The following FCN2 variants were observed in gnomAD, a reference collection of about 807,000 sequenced individuals.
The protein encoded by FCN2 is ficolin-2.
FCN2 carries 31 observed loss-of-function variants against 32.5 expected under a neutral mutation model. That is an observed-to-expected ratio of 0.96 (90% CI 0.72 to 1.29). The LOEUF (loss-of-function observed/expected upper bound fraction) is 1.29, where lower values mean the gene tolerates loss of function less well. FCN2 is among the 50% of genes most tolerant of loss of function. The pLI, the probability that FCN2 is intolerant of heterozygous loss-of-function variation, is 0.00. For missense variants in FCN2, 412 were observed against 406.5 expected (o/e 1.01, Z -0.12); for synonymous variants, 181 against 164.5 (o/e 1.10, Z -0.77).
intron 6 of FCN2, among the ~76,000 whole-genome samples, 181 bp downstream of exon 6, chr9:134,886,078 C>T (rs1166392460): frequency 2.0e-5 from 3 of 152,252 alleles, no homozygotes; most frequent in Admixed American, 6.5e-5. Context: ...CTGGCAGCAT[C>T]GGGACGGGAG....
chr9:134,885,206 G>C, intron 4 of FCN2, 33 bp from the exon 5 acceptor site: 1 of 1,613,818 alleles, frequency 6.2e-7, no homozygotes, highest in Middle Eastern at 1.6e-4. Flanking sequence ...CAGGGCTCCT[G>C]TCCTGCAGCC....
the FCN2 span, among the ~76,000 whole-genome samples, chr9:134,872,702 G>A: frequency 2.6e-5 from 4 of 152,064 alleles, no homozygotes; most frequent in African/African-American, 4.8e-5. Flanking sequence ...TCACCATCAC[G>A]AGAACAGCAC....
In FCN2 at chr9:134,880,926, G is replaced by A; in HGVS notation, c.100+5G>A. On this transcript the variant is annotated splice_donor_5th_base_variant and intron_variant, in intron 1 of 7. Coordinates refer to ENST00000291744, the MANE Select transcript of FCN2 (RefSeq NM_004108.3). ...AGGCGGCAGACACCTGTCCAGGTAA[G>A]GGCACTCCAGGGCCTCCTCCTGGAA... 2 of 1,600,158 alleles carry A rather than the reference G, an allele frequency of 1.2e-6. No homozygotes were observed. Among genetic ancestry groups the A allele is most frequent in the Non-Finnish European group, 1.7e-6 (2 of 1,169,194 alleles).
the FCN2 span, among the ~76,000 whole-genome samples, chr9:134,870,228 C>T: frequency 6.6e-6 from 1 of 152,198 alleles, no homozygotes; most frequent in African/African-American, 2.4e-5. The surrounding 1 kb of genome is among the most constrained non-coding windows in gnomAD (Gnocchi z 4.3). Flanking sequence ...GAGACAGCAG[C>T]CCCCAGGCCA....
upstream of FCN2, among the ~76,000 whole-genome samples, chr9:134,877,064 CTT>C (rs1374768132): frequency 6.6e-6 from 1 of 152,134 alleles, no homozygotes; most frequent in Non-Finnish European, 1.5e-5. Context: ...TCTTTTTTCT[CTT>C]TTCTTCAGTC....
intron 7 of FCN2, 152 bp from the exon 8 acceptor site, chr9:134,887,016 G>A: frequency 1.1e-6 from 1 of 902,006 alleles, no homozygotes; most frequent in Non-Finnish European, 1.8e-6. Context: ...AGTATTCACT[G>A]GAGTCATGGA....
At chr9:134,864,749 C>A in the FCN2 span, among the ~76,000 whole-genome samples, 1 of 152,214 alleles carries the variant, frequency 6.6e-6, no homozygotes, top group Non-Finnish European at 1.5e-5. Flanking sequence ...ACTCACAGCA[C>A]GCCAGGCCCG....
intron 4 of FCN2, 138 bp from the exon 5 acceptor site, chr9:134,885,101 C>A: frequency 7.8e-7 from 1 of 1,277,570 alleles, no homozygotes; most frequent in Non-Finnish European, 1.1e-6. Flanking sequence ...GGGGCCGTGT[C>A]CCTGTCCAGG....
chr9:134,864,755 G>T, the FCN2 span, among the ~76,000 whole-genome samples: 1 of 152,172 alleles, frequency 6.6e-6, no homozygotes, highest in African/African-American at 2.4e-5. Context: ...AGCACGCCAG[G>T]CCCGGTACTA....
chr9:134,885,941 G>A (rs754081434), intron 6 of FCN2, 44 bp downstream of exon 6: 1 of 1,575,944 alleles, frequency 6.3e-7, no homozygotes, highest in Non-Finnish European at 8.6e-7. Context: ...CCCTGAATGG[G>A]GGTGCCCCTG....
At chr9:134,876,697 G>T (rs1830606325), upstream of FCN2, among the ~76,000 whole-genome samples, 1 of 152,170 alleles carries the variant, frequency 6.6e-6, no homozygotes, top group Non-Finnish European at 1.5e-5. Flanking sequence ...TCCTGCCTCA[G>T]CCTCCCGAGA....
rs780367191 is a variant in FCN2 at position 134,885,882 on chromosome 9, G to T, written c.544G>T (p.Ala182Ser). Residue 182 changes from alanine (A) to serine (S), a missense_variant, in exon 6 of 8, where the codon GCC (alanine) becomes TCC (serine). Transcript: ENST00000291744. ...EFWLGNDNIHALTAQGTSELR... is the reference protein window; with the variant it reads ...EFWLGNDNIHSLTAQGTSELR... ...CTGGCTGGGGAATGACAACATCCACGCCCTGACCGCCCAGGGTAGGGCCGC... is the reference window on the plus strand; with the variant it reads ...CTGGCTGGGGAATGACAACATCCACTCCCTGACCGCCCAGGGTAGGGCCGC... The T allele has an allele frequency of 1.6e-5, 26 of 1,613,042 alleles. No individual in the cohort carries two copies. The highest frequency in any genetic ancestry group is 8.3e-5 in the Admixed American group (5 of 59,946).
intron 2 of FCN2, among the ~76,000 whole-genome samples, 191 bp from the exon 3 acceptor site, chr9:134,883,111 C>T (rs1233333595): frequency 6.6e-6 from 1 of 152,226 alleles, no homozygotes; most frequent in Non-Finnish European, 1.5e-5. Context: ...ACAGGAGAGC[C>T]CCGTGAGGCC....
In FCN2 at chr9:134,887,486, C is replaced by G; in HGVS notation, c.*71C>G. ...GGGGGGTAGGGTTGGGAGCTTGGCC[C>G]TACGGTTTGTAAAAGAAACACATGT... On this transcript the variant is annotated 3_prime_UTR_variant, in exon 8 of 8. Coordinates refer to ENST00000291744, the MANE Select transcript of FCN2 (RefSeq NM_004108.3). 1 of 1,471,936 alleles carries G rather than the reference C, an allele frequency of 6.8e-7. No homozygotes were observed. The highest frequency in any genetic ancestry group is 1.2e-5 in the South Asian group (1 of 86,756). 91.2% of individuals were successfully genotyped at this position (1,471,936 alleles called of 1,614,324 possible).
At chr9:134,886,203 C>T (rs561958419) in intron 6 of FCN2, among the ~76,000 whole-genome samples, 9 of 152,272 alleles carry the variant, frequency 5.9e-5, no homozygotes, top group African/African-American at 2.2e-4. Context: ...GGCCCAACCC[C>T]AACTCTGCCT....
At chr9:134,885,161 C>T (rs1830726586) in intron 4 of FCN2, 78 bp from the exon 5 acceptor site, 1 of 1,592,382 alleles carries the variant, frequency 6.3e-7, no homozygotes, top group Non-Finnish European at 8.6e-7. Context: ...CTGCTTCTTC[C>T]TCCCAGGCCT....
the FCN2 span, among the ~76,000 whole-genome samples, chr9:134,872,418 T>C: frequency 6.6e-6 from 1 of 152,200 alleles, no homozygotes; most frequent in East Asian, 1.9e-4. Context: ...TGTAGATATA[T>C]GGTTTCATTT....
intron 5 of FCN2, 58 bp from the exon 6 acceptor site, chr9:134,885,710 C>T: frequency 6.2e-7 from 1 of 1,610,906 alleles, no homozygotes; most frequent in Non-Finnish European, 8.5e-7. Context: ...GGCGGGTCCC[C>T]CGTGCTGTGG....
In FCN2 at chr9:134,883,333, G is replaced by A. The variant is rs1003583177; in HGVS notation, c.246G>A (p.Lys82=). The change falls in exon 3 of 8, where the codon AAG becomes AAA. Residue 82 remains lysine, a synonymous_variant. Coordinates refer to ENST00000291744, the MANE Select transcript of FCN2 (RefSeq NM_004108.3). ...GTGGCCCCCCTGGACCTCCTGGGAA[G>A]GCAGGACCACCTGGGCCCAACGGTA... ...GERGPPGPPG[K]AGPPGPNGAP... The A allele has an allele frequency of 3.1e-6, 5 of 1,613,816 alleles. No homozygotes were observed. Among genetic ancestry groups the A allele is most frequent in the East Asian group, 2.2e-5 (1 of 44,860 alleles).
Sources: allele counts gnomAD v4.1 joint callset (sites outside exome capture counted in the v4.1 genomes callset), GRCh38; gene constraint gnomAD v4.1.1; non-coding constraint Gnocchi (gnomAD v3.1); transcripts MANE v1.5; gene names NCBI Gene and HGNC (gene_info 2026-07-23, HGNC 2026-07-21).